The following UBTD1 variants were observed in gnomAD, a reference collection of about 807,000 sequenced individuals.
UBTD1 encodes ubiquitin domain-containing protein 1.
A neutral mutation model predicts 21.7 loss-of-function variants in UBTD1; 19 were observed. That is an observed-to-expected ratio of 0.87 (90% CI 0.61 to 1.28). The LOEUF (loss-of-function observed/expected upper bound fraction) is 1.28, where lower values mean the gene tolerates loss of function less well. UBTD1 is among the 50% of genes most tolerant of loss of function. UBTD1 has a pLI of 0.00. For missense variants in UBTD1, 282 were observed against 315.1 expected, an observed-to-expected ratio of 0.89 and a Z score of 0.80; for synonymous variants, 116 against 135.1, an observed-to-expected ratio of 0.86 and a Z score of 0.98.
At chr10:97,549,107 C>G (rs922612674) in intron 1 of UBTD1, among the ~76,000 whole-genome samples, 1 of 152,196 alleles carries the variant, frequency 6.6e-6, no homozygotes. Flanking sequence ...TGTGGCTGCC[C>G]GCACACTGAG....
At chr10:97,567,887 C>T in intron 1 of UBTD1, 27 bp from the exon 2 acceptor site, 1 of 1,612,514 alleles carries the variant, frequency 6.2e-7, no homozygotes, top group Non-Finnish European at 8.5e-7. Flanking sequence ...TTTAGAGATG[C>T]TGAGCCTCTC....
intron 1 of UBTD1, among the ~76,000 whole-genome samples, chr10:97,541,113 A>G (rs1427115290): frequency 6.6e-6 from 1 of 152,170 alleles, no homozygotes; most frequent in Non-Finnish European, 1.5e-5. Flanking sequence ...CAGTGTCCTC[A>G]TCCGTAAAAG....
rs927301756 is a variant in UBTD1, at chr10:97,570,097, G to C, written c.299-41G>C. On this transcript the variant is annotated intron_variant, in intron 2 of 2. Coordinates refer to ENST00000370664, the MANE Select transcript of UBTD1 (RefSeq NM_024954.5). This position sits in a 1 kb window ranked among gnomAD's most constrained non-coding sequence, Gnocchi z 6.6. ...ACCCAAACATTTAATCCATGATAGTGGATCCCCAAGCTGACTCTGACAGCC... is the reference window on the plus strand; with the variant it reads ...ACCCAAACATTTAATCCATGATAGTCGATCCCCAAGCTGACTCTGACAGCC... The C allele has an allele frequency of 6.4e-7, 1 of 1,561,992 alleles. No homozygotes were observed. Among genetic ancestry groups the C allele is most frequent in the Admixed American group, 1.8e-5 (1 of 56,360 alleles).
At chr10:97,537,867 C>T (rs1013654284) in intron 1 of UBTD1, among the ~76,000 whole-genome samples, 4 of 142,664 alleles carry the variant, frequency 2.8e-5, no homozygotes, top group Non-Finnish European at 4.5e-5. Context: ...TCTCTGTCAT[C>T]CAGGCTGGAA....
chr10:97,507,602 G>A (rs564489989), intron 1 of UBTD1, among the ~76,000 whole-genome samples: 74 of 151,348 alleles, frequency 4.9e-4, no homozygotes, highest in African/African-American at 1.7e-3. Flanking sequence ...GTGAAACCCC[G>A]TCTCTACTAA....
At chr10:97,499,750 C>T (rs2040332486) in intron 1 of UBTD1, among the ~76,000 whole-genome samples, 1 of 152,218 alleles carries the variant, frequency 6.6e-6, no homozygotes, top group South Asian at 2.1e-4. Context: ...GGGAATCCGA[C>T]TTGCAAAGCA....
In UBTD1 at chr10:97,570,246, T is replaced by G. The variant is rs751301741; in HGVS notation, c.407T>G (p.Leu136Arg). ...LLLEHTEEES[L>R]EPPEPPPSVR... ...CTGGAGCACACGGAGGAGGAGAGCC[T>G]GGAGCCCCCCGAGCCTCCACCCAGC... is the stretch of plus-strand genomic sequence containing the variant. Residue 136 changes from leucine to arginine, a missense_variant, in exon 3 of 3, where the codon CTG (leucine) becomes CGG (arginine). Coordinates refer to ENST00000370664, the MANE Select transcript of UBTD1 (RefSeq NM_024954.5). The surrounding 1 kb of genome is among the most constrained non-coding windows in gnomAD (Gnocchi z 6.6). 6.2e-7 allele frequency: 1 copy of G among 1,613,024 alleles called. No individual in the cohort carries two copies. The highest frequency in any genetic ancestry group is 1.7e-5 in the Admixed American group (1 of 60,008).
At chr10:97,569,728 T>G (rs774958474) in intron 2 of UBTD1, among the ~76,000 whole-genome samples, 1 of 152,136 alleles carries the variant, frequency 6.6e-6, no homozygotes, top group Admixed American at 6.5e-5. Flanking sequence ...GTGTCCGTCT[T>G]CTTGCTGTGT....
At chr10:97,566,219 G>A (rs2040716250) in intron 1 of UBTD1, among the ~76,000 whole-genome samples, 1 of 150,026 alleles carries the variant, frequency 6.7e-6, no homozygotes. Flanking sequence ...TCTTTTGTCT[G>A]CTGTTTTTGC....
chr10:97,540,843 G>C (rs1009813798), intron 1 of UBTD1, among the ~76,000 whole-genome samples: 2 of 152,260 alleles, frequency 1.3e-5, no homozygotes, highest in African/African-American at 4.8e-5. Flanking sequence ...GCATTGCCGA[G>C]TCAATTTCTG....
chr10:97,527,171 CAA>C (rs34756643), intron 1 of UBTD1, among the ~76,000 whole-genome samples: 3 of 66,720 alleles, frequency 4.5e-5, no homozygotes, highest in Non-Finnish European at 8.1e-5. Context: ...CTCTTGTCTC[CAA>C]AAAAAAAAAA....
chr10:97,519,237 G>T (rs150657235), intron 1 of UBTD1, among the ~76,000 whole-genome samples: 215 of 152,338 alleles, frequency 1.4e-3, no homozygotes, highest in African/African-American at 4.8e-3. Flanking sequence ...ACAGCAAAAA[G>T]AACTTTTGGA....
At chr10:97,503,252 C>A (rs2040385211) in intron 1 of UBTD1, among the ~76,000 whole-genome samples, 1 of 152,212 alleles carries the variant, frequency 6.6e-6, no homozygotes, top group Non-Finnish European at 1.5e-5. Flanking sequence ...CTTAATGCAT[C>A]CCCAGTAGGT....
intron 1 of UBTD1, among the ~76,000 whole-genome samples, chr10:97,506,949 A>G (rs2040402005): frequency 6.6e-6 from 1 of 152,228 alleles, no homozygotes; most frequent in Admixed American, 6.5e-5. Context: ...GGCTATTGTA[A>G]ATAATACTGC....
chr10:97,501,719 C>T (rs1354673358), intron 1 of UBTD1, among the ~76,000 whole-genome samples: 1 of 152,200 alleles, frequency 6.6e-6, no homozygotes, highest in African/African-American at 2.4e-5. Context: ...GTCCTGATTT[C>T]TTTCCCTTCT....
At chr10:97,521,817 G>A (rs1247745021) in intron 1 of UBTD1, among the ~76,000 whole-genome samples, 1 of 152,236 alleles carries the variant, frequency 6.6e-6, no homozygotes, top group Admixed American at 6.5e-5. Context: ...ATGGAGGCTG[G>A]CACTAGAATG....
rs759815921 is a variant in UBTD1, at chr10:97,568,034, G to T, written c.191G>T (p.Arg64Leu). 11 of 1,614,002 alleles carry T rather than the reference G, an allele frequency of 6.8e-6. No individual in the cohort carries two copies. Among genetic ancestry groups the T allele is most frequent in the East Asian group, 2.2e-5 (1 of 44,880 alleles). Residue 64 changes from arginine to leucine, a missense_variant, in exon 2 of 3, where the codon CGC becomes CTC. By Grantham distance (102) the Arg-to-Leu change is moderately radical. Transcript: ENST00000370664. ...FWDTAPAFEG[R>L]KEIWDALKAA... ...GACACAGCGCCTGCCTTCGAGGGCC[G>T]CAAGGAGATCTGGGATGCCCTCAAG...
At chr10:97,508,976 C>T (rs1387547949) in intron 1 of UBTD1, among the ~76,000 whole-genome samples, 2 of 152,222 alleles carry the variant, frequency 1.3e-5, no homozygotes, top group African/African-American at 2.4e-5. Context: ...TGTCCTTGCT[C>T]TGCAAACTTT....
chr10:97,569,264 C>A (rs2040733250), intron 2 of UBTD1, among the ~76,000 whole-genome samples: 1 of 152,224 alleles, frequency 6.6e-6, no homozygotes, highest in South Asian at 2.1e-4. Flanking sequence ...CACATAACAT[C>A]ATTTAGTCCA....
Sources: allele counts gnomAD v4.1 joint callset (sites outside exome capture counted in the v4.1 genomes callset), GRCh38; gene constraint gnomAD v4.1.1; non-coding constraint Gnocchi (gnomAD v3.1); transcripts MANE v1.5; gene names NCBI Gene and HGNC (gene_info 2026-07-23, HGNC 2026-07-21).